Variants in DCAF5 observed in about 807,000 individuals in gnomAD.
DCAF5 encodes the protein DDB1 and CUL4 associated factor 5.
Under a neutral mutation model 80.7 loss-of-function variants are expected in DCAF5, and 9 were observed. The observed-to-expected ratio is 0.11, with a 90% CI of 0.07 to 0.19. The LOEUF is 0.19. DCAF5 is among the 10% of genes least tolerant of loss of function. The pLI is 1.00. For missense variants in DCAF5, 842 were observed against 1,205.7 expected (o/e 0.70, Z 4.47); for synonymous variants, 433 against 461.9 (o/e 0.94, Z 0.80).
chr14:69,091,860 C>G lies in DCAF5; in HGVS notation c.693G>C (p.Leu231=), dbSNP rs1324108169. 3.7e-6 allele frequency: 6 copies of G among 1,613,720 alleles called. No homozygotes were observed. The Admixed American group carries it at 8.3e-5, about 22-fold the overall frequency. ...GTACACTCATGGCACTTTGGAGGGA[C>G]AGGTTTCCACCATAGCGCAGGAGAG... is the stretch of plus-strand genomic sequence containing the variant. ...QSSLLRYGGN[L]SLQSAMSVRF... is the part of the protein sequence containing the mutation. The change falls in exon 6 of 9, where the codon CTG becomes CTC. Residue 231 remains leucine, a synonymous_variant. Transcript: ENST00000341516.
At chr14:69,085,457 AG>A (rs1430674967) in intron 6 of DCAF5, 131 of 413,422 alleles carry the variant, frequency 3.2e-4, no homozygotes, top group Middle Eastern at 1.6e-3. Context: ...TTGATTTAAC[AG>A]GATTTTTGTA....
chr14:69,085,126 A>C, intron 6 of DCAF5: 1 of 793,492 alleles, frequency 1.3e-6, no homozygotes, highest in South Asian at 1.3e-5. Context: ...CAGGAAGCAT[A>C]TAAATCATAC....
intron 1 of DCAF5, among the ~76,000 whole-genome samples, chr14:69,127,282 C>T (rs1452443473): frequency 6.6e-6 from 1 of 152,126 alleles, no homozygotes. Flanking sequence ...TGTAGTACAA[C>T]CAGACAACAG....
At chr14:69,089,037 C>T (rs2139958910) in intron 6 of DCAF5, among the ~76,000 whole-genome samples, 1 of 152,246 alleles carries the variant, frequency 6.6e-6, no homozygotes, top group African/African-American at 2.4e-5. Context: ...CACTATAAAT[C>T]CATTATTTAA....
chr14:69,071,227 C>T (rs1454034160), intron 7 of DCAF5, among the ~76,000 whole-genome samples: 1 of 152,138 alleles, frequency 6.6e-6, no homozygotes. Context: ...ATCTCCTCAG[C>T]CCACTAGGAA....
At chr14:69,105,765 C>G (rs78616683) in intron 5 of DCAF5, among the ~76,000 whole-genome samples, 6,275 of 150,914 alleles carry the variant, frequency 0.042, 163 homozygotes, top group African/African-American at 0.074. Context: ...CCTTTGGCAT[C>G]AGACTGAAGC....
intron 8 of DCAF5, 101 bp downstream of exon 8, chr14:69,062,283 T>C (rs760615501): frequency 5.6e-5 from 70 of 1,247,986 alleles, no homozygotes; most frequent in Non-Finnish European, 7.2e-5. Flanking sequence ...GATAGACCTT[T>C]AGTATGTTTA....
At chr14:69,109,971 T>G (rs2040298607) in intron 5 of DCAF5, among the ~76,000 whole-genome samples, 1 of 152,194 alleles carries the variant, frequency 6.6e-6, no homozygotes, top group Non-Finnish European at 1.5e-5. Context: ...CATACCCTTG[T>G]TAACACCTAA....
chr14:69,133,484 A>G (rs1449584300), intron 1 of DCAF5, among the ~76,000 whole-genome samples: 1 of 152,210 alleles, frequency 6.6e-6, no homozygotes, highest in East Asian at 1.9e-4. Flanking sequence ...AGGTTGAGTG[A>G]TTTGCCCAAG....
rs1201848365 is a variant in DCAF5, at chr14:69,118,479, T to C, written c.396-201A>G. Among the ~76,000 whole-genome samples the C allele has an allele frequency of 1.3e-5, 2 of 152,212 alleles. No homozygotes were observed. The highest frequency in any genetic ancestry group is 2.9e-5 in the Non-Finnish European group (2 of 68,042). ...AAAAGGTACTATTAAGGAGTCTTTT[T>C]AGAGATTTTATAATTTTTGTGCTAA... On this transcript the variant is annotated intron_variant, in intron 3 of 8. Coordinates refer to ENST00000341516, the MANE Select transcript of DCAF5 (RefSeq NM_003861.3). This position sits in a 1 kb window ranked among gnomAD's most constrained non-coding sequence, Gnocchi z 4.0.
At chr14:69,109,146 C>A (rs938126473) in intron 5 of DCAF5, among the ~76,000 whole-genome samples, 2 of 151,910 alleles carry the variant, frequency 1.3e-5, no homozygotes, top group Non-Finnish European at 2.9e-5. Flanking sequence ...TTGAGACCAT[C>A]CTGGCTAACA....
chr14:69,117,230 A>G (rs932039376), intron 4 of DCAF5, among the ~76,000 whole-genome samples: 1 of 152,214 alleles, frequency 6.6e-6, no homozygotes, highest in African/African-American at 2.4e-5. Flanking sequence ...CATCTCTGCC[A>G]TCAGGCAGTT....
At chr14:69,126,682 C>T (rs1057223518) in intron 1 of DCAF5, among the ~76,000 whole-genome samples, 10 of 152,076 alleles carry the variant, frequency 6.6e-5, no homozygotes, top group Admixed American at 5.9e-4. Context: ...GTAATCAAGA[C>T]AGTATAATAC....
intron 6 of DCAF5, chr14:69,085,322 T>C (rs1342108572): frequency 2.8e-6 from 2 of 703,466 alleles, no homozygotes; most frequent in Admixed American, 1.9e-5. Flanking sequence ...ACCAAGAAAG[T>C]TGAGAAGTCC....
intron 6 of DCAF5, among the ~76,000 whole-genome samples, chr14:69,081,673 G>A (rs977992861): frequency 6.6e-6 from 1 of 152,044 alleles, no homozygotes; most frequent in Non-Finnish European, 1.5e-5. Context: ...GAACAACACT[G>A]AAAAAGATTA....
Position 69,054,293 on chromosome 14 carries a change from G to A in DCAF5, c.2393C>T (p.Pro798Leu). The A allele has an allele frequency of 1.9e-6, 3 of 1,614,228 alleles. No homozygotes were observed. The highest frequency in any genetic ancestry group is 1.7e-4 in the Middle Eastern group (1 of 6,052). Residue 798 changes from proline (P) to leucine (L), a missense_variant, in exon 9 of 9, where the codon CCC (proline) becomes CTC (leucine). By Grantham distance (98) the Pro-to-Leu change is moderately conservative. Transcript: ENST00000341516. ...RAEEPPSPPVPKASGSTLNSG... is the reference protein window; with the variant it reads ...RAEEPPSPPVLKASGSTLNSG... ...GTTGAGAGTGGAGCCAGATGCCTTG[G>A]GGACAGGAGGAGAAGGCGGCTCCTC... is the stretch of plus-strand genomic sequence containing the variant.
chr14:69,080,834 A>G (rs1333864373), intron 6 of DCAF5, among the ~76,000 whole-genome samples: 5 of 152,220 alleles, frequency 3.3e-5, no homozygotes, highest in Admixed American at 2.0e-4. Context: ...AAAACTAAAA[A>G]TTACTATTCA....
chr14:69,084,388 T>C, intron 6 of DCAF5: 2 of 916,472 alleles, frequency 2.2e-6, no homozygotes, highest in Non-Finnish European at 3.6e-6. Flanking sequence ...AAGCTGATCG[T>C]ATCTTGGATG....
chr14:69,071,155 T>C (rs1405887608), intron 7 of DCAF5, among the ~76,000 whole-genome samples: 1 of 152,200 alleles, frequency 6.6e-6, no homozygotes, highest in Non-Finnish European at 1.5e-5. Context: ...TACTAAAAAA[T>C]TGGACCTGAT....
Sources: allele counts gnomAD v4.1 joint callset (sites outside exome capture counted in the v4.1 genomes callset), GRCh38; gene constraint gnomAD v4.1.1; non-coding constraint Gnocchi (gnomAD v3.1); transcripts MANE v1.5; gene names NCBI Gene and HGNC (gene_info 2026-07-23, HGNC 2026-07-21).